Variants in RAPGEF6 observed in about 807,000 individuals in gnomAD.
The protein encoded by RAPGEF6 is PDZ domain containing guanine nucleotide exchange factor (GEF) 2.
A neutral mutation model predicts 171.4 loss-of-function variants in RAPGEF6; 56 were observed. The observed-to-expected ratio is 0.33, with a 90% CI of 0.26 to 0.41. RAPGEF6 has a LOEUF of 0.41. Among genes scored for constraint, RAPGEF6 ranks in the 10% least tolerant of loss-of-function variants. RAPGEF6 has a pLI of 1.00. For synonymous variants in RAPGEF6, 692 were observed against 650.1 expected (o/e 1.06, Z -0.98); for missense variants, 1,674 against 1,921.4 (o/e 0.87, Z 2.41).
chr5:131,514,652 T>A (rs529419912), intron 7 of RAPGEF6, among the ~76,000 whole-genome samples: 3 of 152,094 alleles, frequency 2.0e-5, no homozygotes, highest in South Asian at 2.1e-4. Context: ...TAAGGAGATA[T>A]AAACTGTAAG....
At chr5:131,450,152 A>G in intron 21 of RAPGEF6, 1 of 1,239,584 alleles carries the variant, frequency 8.1e-7, no homozygotes, top group Admixed American at 2.1e-5. Context: ...AAAAGAACAG[A>G]AACATTTTAT....
intron 15 of RAPGEF6, among the ~76,000 whole-genome samples, chr5:131,487,886 T>C (rs1408639169): frequency 6.6e-6 from 1 of 152,220 alleles, no homozygotes; most frequent in Non-Finnish European, 1.5e-5. Context: ...ACATCTAGAG[T>C]AAAATGCTCC....
At chr5:131,535,941 C>T (rs1389010238) in intron 6 of RAPGEF6, among the ~76,000 whole-genome samples, 3 of 152,034 alleles carry the variant, frequency 2.0e-5, no homozygotes, top group Non-Finnish European at 4.4e-5. Context: ...TTATGAAAAA[C>T]AAACAAAACT....
chr5:131,465,788 A>G lies in RAPGEF6; in HGVS notation c.2240-1507T>C, dbSNP rs1188667536. On this transcript the variant is annotated intron_variant, in intron 17 of 27. Transcript: ENST00000509018. ...ACAGAGTAAGACCCAGTCTCAAAAA[A>G]GAAAAAAAGAATTAGGGAATATATA... Among the ~76,000 whole-genome samples, 4 of 152,106 alleles carry G rather than the reference A, an allele frequency of 2.6e-5. No individual in the cohort carries two copies. The South Asian group carries it at 6.2e-4, about 24-fold the overall frequency.
intron 8 of RAPGEF6, 123 bp downstream of exon 8, chr5:131,510,191 A>T: frequency 9.4e-7 from 1 of 1,063,482 alleles, no homozygotes; most frequent in Non-Finnish European, 1.3e-6. Flanking sequence ...ACTCACAAAA[A>T]CTCTAAGATA....
chr5:131,563,358 G>A (rs1761726643), intron 4 of RAPGEF6, among the ~76,000 whole-genome samples: 1 of 152,060 alleles, frequency 6.6e-6, no homozygotes, highest in Admixed American at 6.6e-5. Flanking sequence ...AAAGCTTAAA[G>A]TAACATAGCT....
chr5:131,512,875 G>C (rs766040528), intron 7 of RAPGEF6, among the ~76,000 whole-genome samples: 3 of 152,104 alleles, frequency 2.0e-5, no homozygotes, highest in Non-Finnish European at 4.4e-5. Flanking sequence ...TCAGAAAGAG[G>C]TCTTTTACCA....
intron 22 of RAPGEF6, 97 bp from the exon 23 acceptor site, chr5:131,442,634 T>C (rs1752459572): frequency 1.3e-6 from 2 of 1,483,052 alleles, no homozygotes; most frequent in Admixed American, 4.8e-5. Context: ...CATCTATTTT[T>C]AGCACAAAAG....
intron 9 of RAPGEF6, among the ~76,000 whole-genome samples, chr5:131,505,937 G>A (rs1283511613): frequency 4.6e-5 from 7 of 152,090 alleles, no homozygotes; most frequent in African/African-American, 1.7e-4. Flanking sequence ...TTAATTAAAT[G>A]AGTTAACACA....
intron 16 of RAPGEF6, among the ~76,000 whole-genome samples, chr5:131,477,676 G>A (rs1464075538): frequency 1.3e-5 from 2 of 152,180 alleles, no homozygotes; most frequent in Non-Finnish European, 2.9e-5. Flanking sequence ...CAGCTGGTGA[G>A]AATGTGATAG....
chr5:131,466,898 T>C (rs950968503), intron 17 of RAPGEF6, among the ~76,000 whole-genome samples: 1 of 152,204 alleles, frequency 6.6e-6, no homozygotes, highest in East Asian at 1.9e-4. Context: ...ACTATCTTTT[T>C]AAGTCCATAA....
Position 131,442,381 on chromosome 5 carries a change from C to G in RAPGEF6, c.3578G>C (p.Arg1193Thr). ...QVPAVNLHPI[R>T]KKGQTKDPAL... ...AGGGTCTTTTGTTTGTCCCTTCTTC[C>G]TGATGGGGTGCAAATTAACAGCTGG... is the stretch of plus-strand genomic sequence containing the variant. Residue 1193 changes from arginine (R) to threonine (T), a missense_variant, in exon 23 of 28, where the codon AGG becomes ACG. This residue lies in a region of RAPGEF6 where 552 missense variants were observed against 574.2 expected (regional missense o/e 0.96). Transcript: ENST00000509018. 6.2e-7 allele frequency: 1 copy of G among 1,614,022 alleles called. No individual in the cohort carries two copies. Among genetic ancestry groups the G allele is most frequent in the African/African-American group, 1.3e-5 (1 of 75,012 alleles).
intron 4 of RAPGEF6, among the ~76,000 whole-genome samples, chr5:131,577,247 T>C (rs576113967): frequency 1.3e-4 from 20 of 152,152 alleles, no homozygotes; most frequent in South Asian, 2.1e-4. Context: ...CGGCATCCAG[T>C]GGAACCTTCA....
chr5:131,617,515 C>T (rs538585224), intron 1 of RAPGEF6, among the ~76,000 whole-genome samples: 8 of 152,294 alleles, frequency 5.3e-5, no homozygotes, highest in Non-Finnish European at 8.8e-5. Context: ...TGTAGTGTTA[C>T]GATCTCAGCC....
intron 18 of RAPGEF6, among the ~76,000 whole-genome samples, chr5:131,462,686 T>C (rs1238526190): frequency 6.6e-6 from 1 of 152,204 alleles, no homozygotes; most frequent in Non-Finnish European, 1.5e-5. Flanking sequence ...TATATTTTGC[T>C]TTCTTCTCTT....
intron 4 of RAPGEF6, among the ~76,000 whole-genome samples, chr5:131,575,618 C>T (rs542249295): frequency 3.3e-5 from 5 of 152,242 alleles, no homozygotes; most frequent in African/African-American, 1.2e-4. Flanking sequence ...AACTAAACCA[C>T]TATATAAACT....
intron 3 of RAPGEF6, among the ~76,000 whole-genome samples, chr5:131,593,050 C>T (rs1763682327): frequency 6.6e-6 from 1 of 152,134 alleles, no homozygotes; most frequent in South Asian, 2.1e-4. Flanking sequence ...AAGATTAAAA[C>T]AGACAATTCT....
intron 18 of RAPGEF6, among the ~76,000 whole-genome samples, chr5:131,463,137 C>G (rs917661456): frequency 1.3e-5 from 2 of 152,176 alleles, no homozygotes; most frequent in African/African-American, 4.8e-5. Context: ...TGTGGGCAAT[C>G]TGAATCCAGG....
intron 1 of RAPGEF6, among the ~76,000 whole-genome samples, chr5:131,614,920 C>T (rs1014139191): frequency 2.6e-5 from 4 of 152,212 alleles, no homozygotes; most frequent in Non-Finnish European, 5.9e-5. Context: ...AAATTGGGTT[C>T]TGTTGCATGT....
Sources: allele counts gnomAD v4.1 joint callset (sites outside exome capture counted in the v4.1 genomes callset), GRCh38; gene constraint gnomAD v4.1.1; regional missense constraint gnomAD v4.1.1; transcripts MANE v1.5; gene names NCBI Gene and HGNC (gene_info 2026-07-23, HGNC 2026-07-21).